ZNF678: variants seen among roughly 807,000 people sequenced by gnomAD.
ZNF678 encodes the protein zinc finger protein 678.
A neutral mutation model predicts 3.0 loss-of-function variants in ZNF678; 5 were observed. The ratio of observed to expected loss-of-function variants is 1.69; its 90% CI spans 0.88 to 3.56. ZNF678 has a LOEUF of 3.56. ZNF678 is among the 30% of genes most tolerant of loss of function. ZNF678 has a pLI of 0.00. For synonymous variants in ZNF678, 218 were observed against 199.6 expected, an observed-to-expected ratio of 1.09 and a Z score of -0.78; for missense variants, 593 against 605.0, an observed-to-expected ratio of 0.98 and a Z score of 0.21.
intron 1 of ZNF678, 67 bp from the exon 2 acceptor site, chr1:227,646,477 G>T: frequency 1.5e-6 from 2 of 1,321,730 alleles, no homozygotes; most frequent in Admixed American, 2.2e-5. Context: ...CTCTTCAGTT[G>T]GAGTCAAATT....
At position 227,646,541 on chromosome 1, in the gene ZNF678, C is replaced by T. The variant is rs757725475; in HGVS notation, c.-163-3C>T. The T allele has an allele frequency of 2.9e-6, 4 of 1,367,066 alleles. No homozygotes were observed. The highest frequency in any genetic ancestry group is 3.9e-6 in the Non-Finnish European group (4 of 1,022,326). The allele number at this position is 1,367,066 out of a possible 1,614,324, so 84.7% of individuals were successfully genotyped here. ...AATACGTGTGTATTTTTCCCCCCCC[C>T]AGGGACTACTGGCATTCAGTGATGT... is the stretch of plus-strand genomic sequence containing the variant. On this transcript the variant is annotated splice_region_variant and splice_polypyrimidine_tract_variant and intron_variant, in intron 1 of 3. Transcript: ENST00000343776.
At chr1:227,563,855 G>C in intron 1 of ZNF678, 131 bp downstream of exon 1, 1 of 837,198 alleles carries the variant, frequency 1.2e-6, no homozygotes, top group African/African-American at 1.8e-5. Context: ...GGGCCAGGCC[G>C]CCGCGGGATT....
In ZNF678 at chr1:227,620,537, A is replaced by G. The variant is rs6661382; in HGVS notation, c.-163-26007A>G. The stretch of plus-strand genomic sequence containing the variant: ...TTAACAAATGAAATTGAGGCACAAA[A>G]TATACTTGTAAAGTTTACTGGAGCC... On this transcript the variant is annotated intron_variant, in intron 1 of 3. Coordinates refer to ENST00000343776, the MANE Select transcript of ZNF678 (RefSeq NM_001367909.1). Among the ~76,000 whole-genome samples, 689 of 152,330 alleles carry G rather than the reference A, an allele frequency of 4.5e-3. 4 individuals are homozygous for G. Among genetic ancestry groups the G allele is most frequent in the African/African-American group, 0.014 (581 of 41,576 alleles).
At position 227,659,074 on chromosome 1, in the gene ZNF678, T is replaced by G. The variant is rs1659330315; in HGVS notation, c.*3246T>G. On this transcript the variant is annotated 3_prime_UTR_variant, in exon 4 of 4. Coordinates refer to ENST00000343776, the MANE Select transcript of ZNF678 (RefSeq NM_001367909.1). ...GTGTACATGTAGAATCTTTTAGTTT[T>G]TAGTGTTTATGTAATATATTAGACA... 6.6e-6 allele frequency: 1 copy of G among 152,084 alleles called. No individual in the cohort carries two copies. Among genetic ancestry groups the G allele is most frequent in the Non-Finnish European group, 1.5e-5 (1 of 67,990 alleles). The allele number at this position is 152,084 out of a possible 1,614,324, so 9.4% of individuals were successfully genotyped here.
intron 2 of ZNF678, among the ~76,000 whole-genome samples, chr1:227,647,257 CAACA>C (rs919530825): frequency 6.6e-6 from 1 of 152,140 alleles, no homozygotes; most frequent in African/African-American, 2.4e-5. Context: ...AACTCCGTCT[CAACA>C]AACAAACAAA....
chr1:227,582,606 G>A (rs1423259023), intron 1 of ZNF678: 2 of 224,992 alleles, frequency 8.9e-6, no homozygotes, highest in Non-Finnish European at 9.2e-6. Context: ...TTAGATTACA[G>A]GTATGAGACA....
chr1:227,611,877 A>G (rs186901751), intron 1 of ZNF678, among the ~76,000 whole-genome samples: 6 of 152,142 alleles, frequency 3.9e-5, no homozygotes, highest in Admixed American at 3.3e-4. Flanking sequence ...TGAGAACCCT[A>G]TTCTAGCAAA....
chr1:227,651,095 T>C lies in ZNF678; in HGVS notation c.85+19T>C, dbSNP rs1247115168. On this transcript the variant is annotated intron_variant, in intron 3 of 3. Coordinates refer to ENST00000343776, the MANE Select transcript of ZNF678 (RefSeq NM_001367909.1). ...TATACAGGTAAAGATTTTATCCTATTGGGTCTCCAGGCTGATGAGATCTTT... is the reference window on the plus strand; with the variant it reads ...TATACAGGTAAAGATTTTATCCTATCGGGTCTCCAGGCTGATGAGATCTTT... The C allele has an allele frequency of 5.6e-6, 9 of 1,611,502 alleles. No homozygotes were observed. Among genetic ancestry groups the C allele is most frequent in the Non-Finnish European group, 7.6e-6 (9 of 1,178,686 alleles).
intron 1 of ZNF678, among the ~76,000 whole-genome samples, chr1:227,643,427 A>G (rs1193480225): frequency 1.3e-5 from 2 of 152,164 alleles, no homozygotes; most frequent in African/African-American, 2.4e-5. Flanking sequence ...CCAGTGGTAT[A>G]AAGATGTGAA....
rs889780957 is a variant in ZNF678, at chr1:227,644,174, T to C, written c.-163-2370T>C. ...GCCACCACGCCTGGCCTATACATTT[T>C]ATTTTTAAAATCAGTGATAGAGAAA... On this transcript the variant is annotated intron_variant, in intron 1 of 3. Transcript: ENST00000343776. Among the ~76,000 whole-genome samples the C allele has an allele frequency of 2.6e-5, 4 of 152,330 alleles. No homozygotes were observed. In the South Asian group the frequency reaches 6.2e-4, roughly 24 times the overall value.
intron 1 of ZNF678, among the ~76,000 whole-genome samples, chr1:227,599,496 T>C (rs1446005270): frequency 6.6e-6 from 1 of 152,238 alleles, no homozygotes; most frequent in East Asian, 1.9e-4. Flanking sequence ...TTATACTTTT[T>C]TTTAAGTTTG....
At chr1:227,641,987 C>A (rs1658833370) in intron 1 of ZNF678, among the ~76,000 whole-genome samples, 1 of 152,302 alleles carries the variant, frequency 6.6e-6, no homozygotes, top group South Asian at 2.1e-4. Flanking sequence ...CCTAAATCTG[C>A]AGCTTAAACT....
At chr1:227,665,247 C>T (rs943014118), downstream of ZNF678, among the ~76,000 whole-genome samples, 1 of 152,128 alleles carries the variant, frequency 6.6e-6, no homozygotes, top group Admixed American at 6.5e-5. Context: ...TTCTCTGGGC[C>T]TCATTTTTCA....
At chr1:227,602,685 A>G (rs1571878983) in intron 1 of ZNF678, among the ~76,000 whole-genome samples, 3 of 152,228 alleles carry the variant, frequency 2.0e-5, no homozygotes, top group Admixed American at 1.3e-4. Flanking sequence ...TATTTTAGGT[A>G]TTGGGCTCTA....
intron 1 of ZNF678, among the ~76,000 whole-genome samples, chr1:227,590,768 G>A (rs954169755): frequency 3.3e-5 from 5 of 151,576 alleles, no homozygotes; most frequent in African/African-American, 1.2e-4. Context: ...GGGCCGTCCA[G>A]TCCCAGTGGA....
At chr1:227,629,481 G>A (rs115214116) in intron 1 of ZNF678, among the ~76,000 whole-genome samples, 2,117 of 152,370 alleles carry the variant, frequency 0.014, 30 homozygotes, top group Non-Finnish European at 0.02. Flanking sequence ...GTGACTGGGA[G>A]AAGTATCTAG....
intron 1 of ZNF678, among the ~76,000 whole-genome samples, chr1:227,629,794 G>A (rs1416909675): frequency 6.6e-6 from 1 of 152,186 alleles, no homozygotes; most frequent in East Asian, 1.9e-4. Context: ...GGACAAGGGG[G>A]TGGCTTATTT....
chr1:227,678,399 C>T (rs1659718545), downstream of ZNF678, among the ~76,000 whole-genome samples: 1 of 152,178 alleles, frequency 6.6e-6, no homozygotes, highest in Non-Finnish European at 1.5e-5. Context: ...TTCCAGAGCT[C>T]AGATCCCAGA....
At chr1:227,640,897 G>C (rs539291184) in intron 1 of ZNF678, among the ~76,000 whole-genome samples, 1 of 152,204 alleles carries the variant, frequency 6.6e-6, no homozygotes, top group Non-Finnish European at 1.5e-5. Context: ...CATCACTGCT[G>C]CCTTTTTCCT....
Sources: allele counts gnomAD v4.1 joint callset (sites outside exome capture counted in the v4.1 genomes callset), GRCh38; gene constraint gnomAD v4.1.1; transcripts MANE v1.5; gene names NCBI Gene and HGNC (gene_info 2026-07-23, HGNC 2026-07-21).